ZNRF3: variants seen among roughly 807,000 people sequenced by gnomAD.
ZNRF3 encodes the protein E3 ubiquitin-protein ligase ZNRF3.
ZNRF3 carries 23 observed loss-of-function variants against 72.5 expected under a neutral mutation model. The ratio of observed to expected loss-of-function variants is 0.32; its 90% CI spans 0.23 to 0.45. The LOEUF is 0.45. Ranked by LOEUF, ZNRF3 falls within the 20% of genes least tolerant of loss-of-function variation. The probability of loss-of-function intolerance (pLI) is 1.00; values close to 1 mark genes in which losing one functional copy is unlikely to be tolerated. For synonymous variants in ZNRF3, 610 were observed against 545.3 expected, an observed-to-expected ratio of 1.12 and a Z score of -1.65; for missense variants, 1,169 against 1,272.1, an observed-to-expected ratio of 0.92 and a Z score of 1.23.
rs2123889217 is a variant in ZNRF3, at chr22:29,050,680, A to G, written c.2499A>G (p.Pro833=). 6.2e-7 allele frequency: 1 copy of G among 1,612,446 alleles called. No homozygotes were observed. The highest frequency in any genetic ancestry group is 2.2e-5 in the East Asian group (1 of 44,838). The change falls in exon 8 of 9, where the codon CCA becomes CCG. Residue 833 remains proline (P), a synonymous_variant. Coordinates refer to ENST00000544604, the MANE Select transcript of ZNRF3 (RefSeq NM_001206998.2). ...TGAGCCAGCGCATCCCCATCATTCC[A>G]GAGGATGTGGACTGTGATCTGGGCC... ...RDLSQRIPII[P]EDVDCDLGLP...
intron 2 of ZNRF3, chr22:29,031,438 A>G: frequency 4.1e-6 from 1 of 243,132 alleles, no homozygotes; most frequent in Non-Finnish European, 6.6e-6. Context: ...CTATGGAATG[A>G]AAAGTTTCTG....
chr22:28,957,714 C>T (rs1258689116), intron 1 of ZNRF3, among the ~76,000 whole-genome samples: 3 of 151,744 alleles, frequency 2.0e-5, no homozygotes, highest in African/African-American at 7.3e-5. Context: ...GCCAGGATTA[C>T]AGGTGTGAGC....
chr22:28,954,691 G>C (rs2035224578), intron 1 of ZNRF3, among the ~76,000 whole-genome samples: 2 of 151,678 alleles, frequency 1.3e-5, no homozygotes, highest in East Asian at 3.9e-4. Flanking sequence ...TGCAGTCCAT[G>C]ACCATGGCTC....
intron 1 of ZNRF3, among the ~76,000 whole-genome samples, chr22:28,975,854 C>A (rs774050883): frequency 1.3e-5 from 2 of 150,948 alleles, no homozygotes; most frequent in East Asian, 1.9e-4. Context: ...CCGCTTCCCC[C>A]CAAATTTGAG....
chr22:29,034,802 G>A (rs956102819), intron 2 of ZNRF3, among the ~76,000 whole-genome samples: 2 of 152,172 alleles, frequency 1.3e-5, no homozygotes, highest in Admixed American at 6.5e-5. Context: ...GGATCTGCCA[G>A]CACCATGGGC....
chr22:28,995,984 C>T (rs2123837200), intron 2 of ZNRF3, among the ~76,000 whole-genome samples: 1 of 152,342 alleles, frequency 6.6e-6, no homozygotes, highest in East Asian at 1.9e-4. Context: ...CCATGTTGCC[C>T]AGGCTGGTCT....
chr22:28,921,459 T>A (rs751443728), intron 1 of ZNRF3, among the ~76,000 whole-genome samples: 17 of 152,228 alleles, frequency 1.1e-4, no homozygotes, highest in Non-Finnish European at 2.1e-4. Flanking sequence ...CTCCTCCGAA[T>A]GAGCTTTGGC....
chr22:28,930,871 T>C (rs890280984), intron 1 of ZNRF3, among the ~76,000 whole-genome samples: 1 of 152,226 alleles, frequency 6.6e-6, no homozygotes, highest in Admixed American at 6.5e-5. Flanking sequence ...TTTGGGCTCC[T>C]GCCATGCTGA....
At position 29,053,817 on chromosome 22, in the gene ZNRF3, C is replaced by T. The variant is rs1436960470; in HGVS notation, c.*195C>T. On this transcript the variant is annotated 3_prime_UTR_variant, in exon 9 of 9. Coordinates refer to ENST00000544604, the MANE Select transcript of ZNRF3 (RefSeq NM_001206998.2). The stretch of plus-strand genomic sequence containing the variant: ...ACCCCCTACCCCATTAACAAATCAA[C>T]AGACAAAATTCTCCGAGTCCTTTGC... 1.5e-5 allele frequency: 8 copies of T among 523,070 alleles called. No homozygotes were observed. The highest frequency in any genetic ancestry group is 2.7e-5 in the Non-Finnish European group (8 of 297,630). 32.4% of individuals were successfully genotyped at this position (523,070 alleles called of 1,614,324 possible).
intron 1 of ZNRF3, among the ~76,000 whole-genome samples, chr22:28,979,990 G>T (rs5762929): frequency 6.6e-6 from 1 of 152,214 alleles, no homozygotes; most frequent in Admixed American, 6.5e-5. Flanking sequence ...AATGCAAATG[G>T]ACATGACAGG....
intron 2 of ZNRF3, among the ~76,000 whole-genome samples, chr22:29,022,215 A>T (rs1306609673): frequency 1.3e-5 from 2 of 152,206 alleles, no homozygotes; most frequent in Non-Finnish European, 1.5e-5. Context: ...AAGAAAAGAG[A>T]ACGCTGCTTT....
At chr22:28,927,387 C>T (rs1427290040) in intron 1 of ZNRF3, among the ~76,000 whole-genome samples, 1 of 152,112 alleles carries the variant, frequency 6.6e-6, no homozygotes, top group East Asian at 1.9e-4. Context: ...AACCCTGTCT[C>T]TACCAAAACA....
chr22:28,885,528 GTCTT>G (rs1039213345), intron 1 of ZNRF3, among the ~76,000 whole-genome samples: 10 of 134,368 alleles, frequency 7.4e-5, no homozygotes, highest in African/African-American at 2.5e-4. Context: ...GCAACTTCTT[GTCTT>G]TCTTTGAGGC....
chr22:28,893,932 G>A (rs547490071), intron 1 of ZNRF3, among the ~76,000 whole-genome samples: 1 of 152,062 alleles, frequency 6.6e-6, no homozygotes, highest in East Asian at 1.9e-4. Flanking sequence ...CTACCAGGTC[G>A]CCATGTATGT....
At chr22:28,920,811 G>A (rs184317140) in intron 1 of ZNRF3, among the ~76,000 whole-genome samples, 1 of 152,340 alleles carries the variant, frequency 6.6e-6, no homozygotes, top group Admixed American at 6.5e-5. Context: ...ATCCTTAGCT[G>A]TAGGCTTTGG....
rs1569252513 is a variant in ZNRF3, at chr22:28,937,194, TA to T, written c.301-49881del. ...CTTATAATATATATATATATATATATATATATATATATATATATATATTTTT... is the reference window on the plus strand; with the variant it reads ...CTTATAATATATATATATATATATATTATATATATATATATATATATTTTT... On this transcript the variant is annotated intron_variant, in intron 1 of 8. Transcript: ENST00000544604. Among the ~76,000 whole-genome samples the T allele has an allele frequency of 1.5e-3, 5 of 3,388 alleles. 1 individual carries two copies. The highest frequency in any genetic ancestry group is 1.5e-3 in the African/African-American group (3 of 2,054). The allele number at this position is 3,388 out of a possible 152,430, so 2.2% of individuals were successfully genotyped here.
At chr22:28,964,727 G>A (rs2035427937) in intron 1 of ZNRF3, among the ~76,000 whole-genome samples, 1 of 152,248 alleles carries the variant, frequency 6.6e-6, no homozygotes, top group South Asian at 2.1e-4. Context: ...GCTGCAGAAG[G>A]TAAAGCTGCT....
At chr22:29,022,700 T>G (rs1284294536) in intron 2 of ZNRF3, among the ~76,000 whole-genome samples, 1 of 152,228 alleles carries the variant, frequency 6.6e-6, no homozygotes, top group East Asian at 1.9e-4. Context: ...GTTGGAGAAT[T>G]TATTGTTGTT....
intron 1 of ZNRF3, among the ~76,000 whole-genome samples, chr22:28,912,005 A>G (rs2034327135): frequency 6.6e-6 from 1 of 152,332 alleles, no homozygotes; most frequent in Non-Finnish European, 1.5e-5. Context: ...TTTGTTTACA[A>G]ATTATGTAAG....
Sources: allele counts gnomAD v4.1 joint callset (sites outside exome capture counted in the v4.1 genomes callset), GRCh38; gene constraint gnomAD v4.1.1; transcripts MANE v1.5; gene names NCBI Gene and HGNC (gene_info 2026-07-23, HGNC 2026-07-21).